Variants in FBXL17 observed in about 807,000 individuals in gnomAD.
The protein encoded by FBXL17 is F-box and leucine rich repeat protein 17.
In FBXL17, 22 loss-of-function variants were observed where a neutral mutation model predicts 66.2. The ratio of observed to expected loss-of-function variants is 0.33; its 90% CI spans 0.24 to 0.47. The LOEUF is 0.47. Among genes scored for constraint, FBXL17 ranks in the 20% least tolerant of loss-of-function variants. The pLI is 1.00. For synonymous variants in FBXL17, 474 were observed against 400.5 expected (o/e 1.18, Z -2.19); for missense variants, 878 against 948.2 (o/e 0.93, Z 0.97).
At chr5:108,358,892 C>A (rs988454689) in intron 3 of FBXL17, among the ~76,000 whole-genome samples, 3 of 151,730 alleles carry the variant, frequency 2.0e-5, no homozygotes, top group Non-Finnish European at 4.4e-5. Context: ...CTACCTTTTT[C>A]TTTTTTTGTT....
intron 7 of FBXL17, among the ~76,000 whole-genome samples, chr5:107,885,779 CAA>C (rs1748945595): frequency 6.6e-6 from 1 of 151,990 alleles, no homozygotes; most frequent in African/African-American, 2.4e-5. Flanking sequence ...CCAGAAACCA[CAA>C]AATACTGTGT....
chr5:108,089,427 A>C (rs985662151), intron 6 of FBXL17, among the ~76,000 whole-genome samples: 1 of 152,156 alleles, frequency 6.6e-6, no homozygotes, highest in Admixed American at 6.5e-5. Flanking sequence ...TTTAGCACCT[A>C]TATTTCCTTC....
At chr5:108,172,852 G>A (rs1339659329) in intron 6 of FBXL17, among the ~76,000 whole-genome samples, 1 of 152,142 alleles carries the variant, frequency 6.6e-6, no homozygotes, top group East Asian at 1.9e-4. Flanking sequence ...CCAGGCTGGA[G>A]TGCAATGGTG....
intron 4 of FBXL17, among the ~76,000 whole-genome samples, chr5:108,337,249 C>A (rs1236510477): frequency 6.7e-6 from 1 of 148,382 alleles, no homozygotes; most frequent in Non-Finnish European, 1.5e-5. Context: ...GAGTGAGACT[C>A]CATCTCAAAA....
chr5:108,170,437 T>C (rs1003981108), intron 6 of FBXL17, among the ~76,000 whole-genome samples: 4 of 152,222 alleles, frequency 2.6e-5, no homozygotes, highest in African/African-American at 7.2e-5. Flanking sequence ...TAGAAGAATT[T>C]CAAAAATAAA....
At chr5:108,242,373 GT>G (rs748183343) in intron 4 of FBXL17, among the ~76,000 whole-genome samples, 1 of 151,506 alleles carries the variant, frequency 6.6e-6, no homozygotes, top group East Asian at 1.9e-4. Context: ...TGTTGTTGTT[GT>G]TGTTGTTGTT....
chr5:108,370,051 C>T (rs1432565453), intron 1 of FBXL17, among the ~76,000 whole-genome samples: 4 of 152,220 alleles, frequency 2.6e-5, no homozygotes, highest in Non-Finnish European at 5.9e-5. Flanking sequence ...CATACCGGGA[C>T]CATCTAGACA....
intron 6 of FBXL17, among the ~76,000 whole-genome samples, chr5:108,130,849 T>C (rs563350170): frequency 6.6e-6 from 1 of 152,226 alleles, no homozygotes; most frequent in East Asian, 1.9e-4. Flanking sequence ...TGTGTCCTAA[T>C]CTAAAAGACT....
chr5:107,961,635 T>C (rs1373355604), intron 7 of FBXL17, among the ~76,000 whole-genome samples: 2 of 152,118 alleles, frequency 1.3e-5, no homozygotes, highest in African/African-American at 4.8e-5. Flanking sequence ...TTCAAACTCA[T>C]GATTAAGACA....
Position 108,278,352 on chromosome 5 carries a change from G to GCAGTCCTAGGAACCCGCTGCAC in FBXL17, c.1507-54146_1507-54125dup, listed in dbSNP as rs1205111002. Among the ~76,000 whole-genome samples the GCAGTCCTAGGAACCCGCTGCAC allele has an allele frequency of 2.0e-5, 3 of 152,318 alleles. No homozygotes were observed. The East Asian group carries it at 5.8e-4, about 29-fold the overall frequency. ...AATCTTAGCTCTTAAAAGGCTGTGTGCAGTCCTAGGAACCCGCTGCACCAG... is the reference window on the plus strand; with the variant it reads ...AATCTTAGCTCTTAAAAGGCTGTGTGCAGTCCTAGGAACCCGCTGCACCAGTCCTAGGAACCCGCTGCACCAG... On this transcript the variant is annotated intron_variant, in intron 4 of 8. Transcript: ENST00000542267.
intron 7 of FBXL17, among the ~76,000 whole-genome samples, chr5:107,884,113 C>T (rs1748884335): frequency 6.6e-6 from 1 of 152,064 alleles, no homozygotes; most frequent in South Asian, 2.1e-4. Flanking sequence ...CAAGCAGAGT[C>T]CTTGATGTTA....
chr5:108,301,235 G>A (rs1172708566), intron 4 of FBXL17, among the ~76,000 whole-genome samples: 1 of 151,538 alleles, frequency 6.6e-6, no homozygotes, highest in East Asian at 1.9e-4. Flanking sequence ...TTAAGATAGA[G>A]GGGACACATA....
chr5:107,883,569 C>T (rs1748865628), intron 7 of FBXL17, among the ~76,000 whole-genome samples: 1 of 152,150 alleles, frequency 6.6e-6, no homozygotes, highest in Non-Finnish European at 1.5e-5. Flanking sequence ...AACTCCTTAG[C>T]TTTCAGATCT....
rs1307476094 is a variant in FBXL17, at chr5:108,263,651, T to C, written c.1507-39423A>G. Among the ~76,000 whole-genome samples the C allele has an allele frequency of 2.6e-5, 4 of 152,332 alleles. No individual in the cohort carries two copies. The South Asian group carries it at 6.2e-4, about 24-fold the overall frequency. Reference sequence around the variant, plus strand: ...AAAGGTGTTTCCACATCACATTATATTTGTTGCAGACATCTTAAAAAAGCA... The same window carrying C: ...AAAGGTGTTTCCACATCACATTATACTTGTTGCAGACATCTTAAAAAAGCA... On this transcript the variant is annotated intron_variant, in intron 4 of 8. Coordinates refer to ENST00000542267, the MANE Select transcript of FBXL17 (RefSeq NM_001163315.3).
At chr5:108,141,779 T>C (rs1209085371) in intron 6 of FBXL17, among the ~76,000 whole-genome samples, 2 of 152,228 alleles carry the variant, frequency 1.3e-5, no homozygotes, top group African/African-American at 2.4e-5. Flanking sequence ...AATCAGACTA[T>C]ACGTTGTTCT....
intron 7 of FBXL17, among the ~76,000 whole-genome samples, chr5:107,910,707 T>A (rs1183682021): frequency 6.6e-6 from 1 of 152,124 alleles, no homozygotes; most frequent in African/African-American, 2.4e-5. Flanking sequence ...AAATTTAGTA[T>A]GTTAGCTAGT....
intron 4 of FBXL17, among the ~76,000 whole-genome samples, chr5:108,276,030 A>G (rs1299998508): frequency 1.3e-5 from 2 of 152,348 alleles, no homozygotes; most frequent in Non-Finnish European, 2.9e-5. Context: ...AAAAGTTGAA[A>G]ACAATAAAAA....
At chr5:108,026,002 T>C (rs1754809516) in intron 6 of FBXL17, among the ~76,000 whole-genome samples, 2 of 152,252 alleles carry the variant, frequency 1.3e-5, no homozygotes, top group Admixed American at 1.3e-4. Flanking sequence ...AGTAAACGAA[T>C]GGGTATAATT....
chr5:108,158,511 G>GTGTGTGTGTGTGTC (rs138512527), intron 6 of FBXL17, among the ~76,000 whole-genome samples: 1 of 137,644 alleles, frequency 7.3e-6, no homozygotes, highest in Non-Finnish European at 1.7e-5. Flanking sequence ...GTGTGTGTCT[G>GTGTGTGTGTGTGTC]TGTGTGTGTG....
Sources: gnomAD v4.1 joint callset for allele counts (sites outside exome capture counted in the v4.1 genomes callset) on GRCh38, gnomAD v4.1.1 for gene constraint, MANE v1.5 for transcripts, NCBI Gene and HGNC (gene_info 2026-07-23, HGNC 2026-07-21) for gene names.